The following FOXN3 variants were observed in gnomAD, a reference collection of about 807,000 sequenced individuals.
FOXN3 encodes forkhead box protein N3.
FOXN3 carries 7 observed loss-of-function variants against 38.4 expected under a neutral mutation model. That is an observed-to-expected ratio of 0.18 (90% CI 0.10 to 0.34). The LOEUF is 0.34. FOXN3 is among the 10% of genes least tolerant of loss of function. The pLI is 1.00. For synonymous variants in FOXN3, 230 were observed against 242.2 expected (o/e 0.95, Z 0.47); for missense variants, 456 against 613.4 (o/e 0.74, Z 2.71).
chr14:89,363,524 C>A (rs1240476836), intron 2 of FOXN3, among the ~76,000 whole-genome samples: 1 of 152,156 alleles, frequency 6.6e-6, no homozygotes, highest in African/African-American at 2.4e-5. Flanking sequence ...GGACAAACCA[C>A]TTGTCCTCTT....
At chr14:89,534,523 T>G (rs1894643465) in intron 1 of FOXN3, among the ~76,000 whole-genome samples, 1 of 152,178 alleles carries the variant, frequency 6.6e-6, no homozygotes, top group African/African-American at 2.4e-5. Context: ...AGGGCTCTGC[T>G]CCAACGTCTG....
In FOXN3 at chr14:89,160,673, C is replaced by G. The variant is rs1319888529; in HGVS notation, c.*1741G>C. 1.3e-5 allele frequency: 2 copies of G among 152,508 alleles called. No individual in the cohort carries two copies. The highest frequency in any genetic ancestry group is 2.9e-5 in the Non-Finnish European group (2 of 68,066). 9.4% of individuals were successfully genotyped at this position (152,508 alleles called of 1,614,324 possible). ...TTGCGTCATGTTAAACATGTACAGA[C>G]AGAGAGAAAGGACACACTTTTCAAC... On this transcript the variant is annotated 3_prime_UTR_variant, in exon 6 of 6. Coordinates refer to ENST00000557258, the MANE Select transcript of FOXN3 (RefSeq NM_005197.4).
At chr14:89,232,929 G>A (rs1265495488) in intron 4 of FOXN3, among the ~76,000 whole-genome samples, 1 of 152,170 alleles carries the variant, frequency 6.6e-6, no homozygotes, top group East Asian at 1.9e-4. Flanking sequence ...AAGCCACACA[G>A]CATTTCTTTG....
intron 2 of FOXN3, among the ~76,000 whole-genome samples, chr14:89,384,685 A>G (rs1736703998): frequency 6.6e-6 from 1 of 152,218 alleles, no homozygotes; most frequent in African/African-American, 2.4e-5. Flanking sequence ...AGATGCAGAG[A>G]TAAAAATAAG....
intron 1 of FOXN3, among the ~76,000 whole-genome samples, chr14:89,609,875 A>G (rs981043265): frequency 1.3e-5 from 2 of 152,026 alleles, no homozygotes; most frequent in Non-Finnish European, 2.9e-5. Context: ...AATTAGATAC[A>G]TGTGATGTAA....
At chr14:89,572,900 G>A (rs561860478) in intron 1 of FOXN3, among the ~76,000 whole-genome samples, 7 of 152,318 alleles carry the variant, frequency 4.6e-5, no homozygotes, top group Admixed American at 6.5e-5. Context: ...CTAATTGCTC[G>A]GGGTCATCGA....
At chr14:89,424,985 G>C (rs1287022023) in intron 1 of FOXN3, among the ~76,000 whole-genome samples, 1 of 151,736 alleles carries the variant, frequency 6.6e-6, no homozygotes, top group Non-Finnish European at 1.5e-5. Context: ...TACAAGAGGA[G>C]ATCACCTCTC....
Position 89,157,599 on chromosome 14 carries a change from C to T in FOXN3, c.*4815G>A, listed in dbSNP as rs1887010121. On this transcript the variant is annotated 3_prime_UTR_variant, in exon 6 of 6. Coordinates refer to ENST00000557258, the MANE Select transcript of FOXN3 (RefSeq NM_005197.4). ...ATGTATATACTTTGATTTACACATT[C>T]CGTTACAAAGGAAAAAAAGACACCA... 6.6e-6 allele frequency: 1 copy of T among 152,592 alleles called. No homozygotes were observed. The highest frequency in any genetic ancestry group is 2.4e-5 in the African/African-American group (1 of 41,424). 9.5% of individuals were successfully genotyped at this position (152,592 alleles called of 1,614,324 possible).
At chr14:89,341,174 A>G (rs1374426397) in intron 3 of FOXN3, among the ~76,000 whole-genome samples, 1 of 152,164 alleles carries the variant, frequency 6.6e-6, no homozygotes, top group Non-Finnish European at 1.5e-5. Context: ...CCCTGGGGGT[A>G]GCTCATTCTA....
chr14:89,336,170 A>AG (rs34375093), intron 3 of FOXN3, among the ~76,000 whole-genome samples: 4,404 of 148,670 alleles, frequency 0.03, 115 homozygotes, highest in East Asian at 0.078. Context: ...ACACACACAC[A>AG]CATTCATAAT....
At chr14:89,304,301 G>A (rs1206906291) in intron 3 of FOXN3, among the ~76,000 whole-genome samples, 1 of 152,108 alleles carries the variant, frequency 6.6e-6, no homozygotes, top group African/African-American at 2.4e-5. Flanking sequence ...GCTGGAGCCC[G>A]GGAAGGGGCG....
intron 1 of FOXN3, among the ~76,000 whole-genome samples, chr14:89,556,256 A>G (rs1238371827): frequency 6.6e-6 from 1 of 152,112 alleles, no homozygotes; most frequent in African/African-American, 2.4e-5. Flanking sequence ...ATACAATATT[A>G]GCTGGGCATG....
At chr14:89,329,248 T>C (rs1008221029) in intron 3 of FOXN3, among the ~76,000 whole-genome samples, 6 of 152,182 alleles carry the variant, frequency 3.9e-5, no homozygotes, top group Admixed American at 6.5e-5. Context: ...CTGTGATGCT[T>C]ACACACCCTT....
intron 2 of FOXN3, among the ~76,000 whole-genome samples, chr14:89,387,739 T>C (rs952014296): frequency 4.0e-5 from 6 of 151,766 alleles, no homozygotes; most frequent in Admixed American, 1.3e-4. Flanking sequence ...TAGGACAGAG[T>C]TGGTCTGGGG....
intron 4 of FOXN3, among the ~76,000 whole-genome samples, chr14:89,198,532 G>A (rs1016026097): frequency 2.0e-5 from 3 of 152,226 alleles, no homozygotes; most frequent in African/African-American, 7.2e-5. Flanking sequence ...GGGAAATGCT[G>A]AGTAGATCTG....
At chr14:89,554,461 G>C (rs373933336) in intron 1 of FOXN3, among the ~76,000 whole-genome samples, 1 of 152,066 alleles carries the variant, frequency 6.6e-6, no homozygotes, top group African/African-American at 2.4e-5. Context: ...TATCTTATTG[G>C]AAGAAGGAGA....
intron 1 of FOXN3, among the ~76,000 whole-genome samples, chr14:89,611,409 G>A (rs950253453): frequency 1.2e-4 from 18 of 152,186 alleles, no homozygotes; most frequent in African/African-American, 4.1e-4. Flanking sequence ...GTTAGACTGG[G>A]TATAATCTTT....
intron 1 of FOXN3, among the ~76,000 whole-genome samples, chr14:89,612,884 C>T (rs1896420417): frequency 6.6e-6 from 1 of 151,470 alleles, no homozygotes; most frequent in Non-Finnish European, 1.5e-5. Flanking sequence ...CTTTGGGAGG[C>T]CGAGGTGGGC....
chr14:89,261,191 C>T (rs1463443102), intron 4 of FOXN3, among the ~76,000 whole-genome samples: 1 of 152,170 alleles, frequency 6.6e-6, no homozygotes, highest in African/African-American at 2.4e-5. Flanking sequence ...AGGAGAGAGA[C>T]CCACCAAATG....
Sources: allele counts gnomAD v4.1 joint callset (sites outside exome capture counted in the v4.1 genomes callset), GRCh38; gene constraint gnomAD v4.1.1; transcripts MANE v1.5; gene names NCBI Gene and HGNC (gene_info 2026-07-23, HGNC 2026-07-21).